Variants in ARHGAP35 observed in about 807,000 individuals in gnomAD.
ARHGAP35 encodes rho GTPase-activating protein 35.
Under a neutral mutation model 111.1 loss-of-function variants are expected in ARHGAP35, and 15 were observed. The ratio of observed to expected loss-of-function variants is 0.13; its 90% CI spans 0.09 to 0.21. The LOEUF (loss-of-function observed/expected upper bound fraction) is 0.21, where lower values mean the gene tolerates loss of function less well. Ranked by LOEUF, ARHGAP35 falls within the 10% of genes least tolerant of loss-of-function variation. The pLI, the probability that ARHGAP35 is intolerant of heterozygous loss-of-function variation, is 1.00. For synonymous variants in ARHGAP35, 643 were observed against 710.3 expected, an observed-to-expected ratio of 0.91 and a Z score of 1.51; for missense variants, 1,262 against 1,873.0, an observed-to-expected ratio of 0.67 and a Z score of 6.02.
chr19:46,918,806 G>A lies in ARHGAP35; in HGVS notation c.131G>A (p.Arg44His), dbSNP rs759238695. The change falls in exon 2 of 7, where the codon CGC becomes CAC. Residue 44 changes from arginine (R) to histidine (H), a missense_variant. Around this residue, in one of 8 missense-constraint regions of ARHGAP35, gnomAD observed 125 missense variants for 301.7 expected, o/e 0.41. Coordinates refer to ENST00000672722, the MANE Select transcript of ARHGAP35 (RefSeq NM_004491.5). The surrounding 1 kb of genome is among the most constrained non-coding windows in gnomAD (Gnocchi z 5.4). ...TCTTGTTTGTGCAACCGCTTCGTGC[G>A]CCCGAGTGCTGACGAGTTTCACTTG... Reference protein sequence around the residue: ...GKSCLCNRFVRPSADEFHLDH... With the variant: ...GKSCLCNRFVHPSADEFHLDH... 17 of 1,613,800 alleles carry A rather than the reference G, an allele frequency of 1.1e-5. No individual in the cohort carries two copies. Among genetic ancestry groups the A allele is most frequent in the Admixed American group, 6.7e-5 (4 of 59,988 alleles).
chr19:46,921,624 G>A lies in ARHGAP35; in HGVS notation c.2949G>A (p.Gln983=). ...CACCGCTCTGCAACTCAAACCTGCA[G>A]GATTCAGAAGAAGATATCGAGCCAT... ...AGSPLCNSNL[Q]DSEEDIEPSY... is the part of the protein sequence containing the mutation. The change falls in exon 2 of 7, where the codon CAG becomes CAA. Residue 983 remains glutamine, a synonymous_variant. Coordinates refer to ENST00000672722, the MANE Select transcript of ARHGAP35 (RefSeq NM_004491.5). This position sits in a 1 kb window ranked among gnomAD's most constrained non-coding sequence, Gnocchi z 4.3. The A allele has an allele frequency of 1.2e-6, 2 of 1,613,944 alleles. No homozygotes were observed. The highest frequency in any genetic ancestry group is 1.7e-6 in the Non-Finnish European group (2 of 1,179,884).
chr19:46,886,176 T>G (rs1245097087), intron 1 of ARHGAP35, among the ~76,000 whole-genome samples: 19 of 152,216 alleles, frequency 1.2e-4, no homozygotes, highest in Admixed American at 1.2e-3. Flanking sequence ...GCCTCCTCTC[T>G]GTTTCCAAGG....
rs200891006 is a variant in ARHGAP35 at position 46,959,934 on chromosome 19, C to CA, written c.3826+22534dup. ...GCAACATAGCAAGACCTTGCCTCTA[C>CA]AAAAAAAATTTTTTTTTTTTTTTTA... On this transcript the variant is annotated intron_variant, in intron 3 of 6. Coordinates refer to ENST00000672722, the MANE Select transcript of ARHGAP35 (RefSeq NM_004491.5). 3.7e-3 allele frequency among the ~76,000 whole-genome samples: 545 copies of CA among 146,182 alleles called. 4 individuals are homozygous for CA. Among genetic ancestry groups the CA allele is most frequent in the African/African-American group, 0.012 (492 of 39,556 alleles).
intron 1 of ARHGAP35, among the ~76,000 whole-genome samples, chr19:46,898,042 C>T (rs138737595): frequency 2.0e-5 from 3 of 152,102 alleles, no homozygotes; most frequent in Admixed American, 6.6e-5. Context: ...CACCTGAGGT[C>T]AGGAGTTCGG....
chr19:46,890,213 T>C (rs182350134), intron 1 of ARHGAP35, among the ~76,000 whole-genome samples: 3 of 152,352 alleles, frequency 2.0e-5, no homozygotes, highest in Admixed American at 1.3e-4. Context: ...GGAGGGGTCC[T>C]TGATGCAAAG....
intron 3 of ARHGAP35, chr19:46,946,974 G>A (rs1426643166): frequency 6.6e-6 from 1 of 152,192 alleles, no homozygotes; most frequent in Non-Finnish European, 1.5e-5. Context: ...AATGTAAATG[G>A]TGCCTTCTTT....
At chr19:46,969,846 A>G (rs1220665486) in intron 3 of ARHGAP35, among the ~76,000 whole-genome samples, 1 of 152,062 alleles carries the variant, frequency 6.6e-6, no homozygotes, top group Non-Finnish European at 1.5e-5. Flanking sequence ...GTATTTTCCT[A>G]GGAATGCTTC....
At chr19:46,872,350 A>G (rs1391236388) in intron 1 of ARHGAP35, among the ~76,000 whole-genome samples, 9 of 151,828 alleles carry the variant, frequency 5.9e-5, no homozygotes, top group Non-Finnish European at 1.3e-4. Flanking sequence ...GGTGATTAAA[A>G]CTTTTTTTTT....
chr19:47,001,298 T>C lies in ARHGAP35; in HGVS notation c.*610T>C, dbSNP rs1348332373. 7.8e-7 allele frequency: 1 copy of C among 1,290,210 alleles called. No individual in the cohort carries two copies. Among genetic ancestry groups the C allele is most frequent in the Non-Finnish European group, 1.0e-6 (1 of 989,272 alleles). 79.9% of individuals were successfully genotyped at this position (1,290,210 alleles called of 1,614,324 possible). On this transcript the variant is annotated 3_prime_UTR_variant, in exon 7 of 7. Transcript: ENST00000672722. The surrounding 1 kb of genome is among the most constrained non-coding windows in gnomAD (Gnocchi z 5.4). ...GCTTTGTGCCTGGACCCAGAGAGTG[T>C]GGGACTCCCCGCTTCATCCCCACCG...
At chr19:46,888,047 G>A (rs2056001351) in intron 1 of ARHGAP35, among the ~76,000 whole-genome samples, 1 of 150,026 alleles carries the variant, frequency 6.7e-6, no homozygotes, top group Non-Finnish European at 1.5e-5. Context: ...CGCCTCCTGG[G>A]TTCATGCCAT....
chr19:46,889,403 G>A (rs1336548921), intron 1 of ARHGAP35, among the ~76,000 whole-genome samples: 1 of 152,116 alleles, frequency 6.6e-6, no homozygotes, highest in African/African-American at 2.4e-5. Flanking sequence ...AGGTTGCAGT[G>A]AGCTAAGATC....
chr19:46,879,931 C>T (rs1031222119), intron 1 of ARHGAP35, among the ~76,000 whole-genome samples: 2 of 151,760 alleles, frequency 1.3e-5, no homozygotes, highest in East Asian at 3.9e-4. Context: ...ACTAAGAATA[C>T]ACAAATTAGC....
chr19:47,003,992 G>A lies in ARHGAP35; in HGVS notation c.*3304G>A, dbSNP rs1037422965. ...CAGCTGCAGTGACTTGTCATCAAGA[G>A]TCACCTCAGCTGCGCCCCCCTCCCA... is the stretch of plus-strand genomic sequence containing the variant. On this transcript the variant is annotated 3_prime_UTR_variant, in exon 7 of 7. Transcript: ENST00000672722. 1 of 152,384 alleles carries A rather than the reference G, an allele frequency of 6.6e-6. No individual in the cohort carries two copies. The highest frequency in any genetic ancestry group is 1.9e-4 in the East Asian group (1 of 5,202). 9.4% of individuals were successfully genotyped at this position (152,384 alleles called of 1,614,324 possible).
chr19:46,923,157 T>TG (rs143228582), intron 2 of ARHGAP35, among the ~76,000 whole-genome samples: 66 of 146,560 alleles, frequency 4.5e-4, no homozygotes, highest in African/African-American at 1.6e-3. Context: ...CACGCTAGAG[T>TG]GCAGTGGCGC....
At chr19:46,960,831 T>A (rs1046538223) in intron 3 of ARHGAP35, among the ~76,000 whole-genome samples, 10 of 152,250 alleles carry the variant, frequency 6.6e-5, no homozygotes, top group Non-Finnish European at 1.0e-4. Flanking sequence ...TTGCATACAT[T>A]TTCCTATAAT....
intron 3 of ARHGAP35, among the ~76,000 whole-genome samples, chr19:46,957,980 T>G (rs1326712852): frequency 6.6e-6 from 1 of 151,860 alleles, no homozygotes; most frequent in Non-Finnish European, 1.5e-5. Flanking sequence ...CATAGCTCAC[T>G]GCAGCCTGAA....
intron 1 of ARHGAP35, among the ~76,000 whole-genome samples, chr19:46,871,062 G>A (rs549754964): frequency 1.3e-5 from 2 of 152,266 alleles, no homozygotes; most frequent in Admixed American, 1.3e-4. Flanking sequence ...GAACATGTAG[G>A]ATGTTTCTAA....
chr19:46,999,091 C>T lies in ARHGAP35; in HGVS notation c.4037-213C>T, dbSNP rs555647968. The stretch of plus-strand genomic sequence containing the variant: ...CCAGGCACACAGTGCCGCCCTTCAG[C>T]GGGGGCCTGGGACACAGAGGTGGGC... On this transcript the variant is annotated intron_variant, in intron 5 of 6. Transcript: ENST00000672722. The surrounding 1 kb of genome is among the most constrained non-coding windows in gnomAD (Gnocchi z 5.4). The T allele has an allele frequency of 1.6e-4, 88 of 557,156 alleles. No homozygotes were observed. Among genetic ancestry groups the T allele is most frequent in the South Asian group, 9.6e-4 (38 of 39,402 alleles). 34.5% of individuals were successfully genotyped at this position (557,156 alleles called of 1,614,324 possible).
intron 5 of ARHGAP35, among the ~76,000 whole-genome samples, chr19:46,998,468 C>T (rs1452719337): frequency 6.6e-6 from 1 of 152,204 alleles, no homozygotes; most frequent in Admixed American, 6.5e-5. Context: ...CTCACCAGCC[C>T]CGATGCCCTT....
Sources: allele counts gnomAD v4.1 joint callset (sites outside exome capture counted in the v4.1 genomes callset), GRCh38; gene constraint gnomAD v4.1.1; regional missense constraint gnomAD v4.1.1; non-coding constraint Gnocchi (gnomAD v3.1); transcripts MANE v1.5; gene names NCBI Gene and HGNC (gene_info 2026-07-23, HGNC 2026-07-21).